Variants in CSMD3 observed in about 807,000 individuals in gnomAD.
CSMD3 encodes the protein CUB and Sushi multiple domains 3, also known as CUB and sushi domain-containing protein 3.
Under a neutral mutation model 435.2 loss-of-function variants are expected in CSMD3, and 177 were observed. The ratio of observed to expected loss-of-function variants is 0.41; its 90% CI spans 0.36 to 0.46. The LOEUF (loss-of-function observed/expected upper bound fraction) is 0.46, where lower values mean the gene tolerates loss of function less well. Among genes scored for constraint, CSMD3 ranks in the 20% least tolerant of loss-of-function variants. The probability of loss-of-function intolerance (pLI) is 0.34; values close to 1 mark genes in which losing one functional copy is unlikely to be tolerated. For missense variants in CSMD3, 4,265 were observed against 4,504.6 expected (o/e 0.95, Z 1.52); for synonymous variants, 1,656 against 1,520.5 (o/e 1.09, Z -2.07).
At chr8:112,750,457 C>T (rs2077542205) in intron 13 of CSMD3, among the ~76,000 whole-genome samples, 1 of 151,778 alleles carries the variant, frequency 6.6e-6, no homozygotes. Context: ...AAATAAGAAA[C>T]ATAACAACTT....
chr8:112,356,559 G>T (rs116480298), intron 38 of CSMD3, among the ~76,000 whole-genome samples: 2,257 of 151,678 alleles, frequency 0.015, 56 homozygotes, highest in African/African-American at 0.052. Context: ...GTACTGATTC[G>T]GTTTGGCTGT....
intron 6 of CSMD3, among the ~76,000 whole-genome samples, chr8:112,977,527 T>C (rs73702269): frequency 6.6e-6 from 1 of 152,180 alleles, no homozygotes; most frequent in African/African-American, 2.4e-5. Context: ...TTCTGCTTTC[T>C]GCCTTAAATT....
intron 13 of CSMD3, among the ~76,000 whole-genome samples, chr8:112,780,614 A>G (rs1229728397): frequency 6.6e-6 from 1 of 152,102 alleles, no homozygotes; most frequent in Admixed American, 6.6e-5. Context: ...CACCTCCCAC[A>G]TCGTCCAGCA....
intron 1 of CSMD3, among the ~76,000 whole-genome samples, chr8:113,336,359 G>A (rs769515883): frequency 7.3e-5 from 11 of 150,696 alleles, no homozygotes; most frequent in Admixed American, 2.0e-4. Context: ...GCTGTTTGTC[G>A]AGGCATTTTT....
intron 13 of CSMD3, among the ~76,000 whole-genome samples, chr8:112,742,930 G>A (rs910842452): frequency 5.3e-5 from 8 of 151,952 alleles, no homozygotes; most frequent in South Asian, 2.1e-4. Flanking sequence ...TCTCAGAAAG[G>A]CCTCATTTTT....
chr8:112,867,408 T>C (rs1231061063), intron 10 of CSMD3, among the ~76,000 whole-genome samples: 7 of 152,140 alleles, frequency 4.6e-5, no homozygotes, highest in African/African-American at 1.7e-4. Flanking sequence ...GATTTCAAAC[T>C]TCGTTCATGC....
intron 4 of CSMD3, among the ~76,000 whole-genome samples, chr8:113,108,202 G>C (rs957722939): frequency 6.6e-6 from 1 of 152,030 alleles, no homozygotes; most frequent in East Asian, 1.9e-4. Flanking sequence ...GGCCAAGGCA[G>C]GTGGATCACG....
At chr8:112,671,211 T>A (rs890893710) in intron 16 of CSMD3, among the ~76,000 whole-genome samples, 1 of 152,108 alleles carries the variant, frequency 6.6e-6, no homozygotes, top group Non-Finnish European at 1.5e-5. Context: ...CCTTCCCACC[T>A]CCCTTTCCTA....
chr8:112,702,957 C>T (rs774972381), intron 13 of CSMD3, among the ~76,000 whole-genome samples: 1 of 152,082 alleles, frequency 6.6e-6, no homozygotes, highest in Non-Finnish European at 1.5e-5. Context: ...CCCACACACC[C>T]AGTATGAATG....
At chr8:112,839,736 C>A (rs1402223196) in intron 11 of CSMD3, among the ~76,000 whole-genome samples, 1 of 151,212 alleles carries the variant, frequency 6.6e-6, no homozygotes, top group Non-Finnish European at 1.5e-5. Flanking sequence ...ATTTATTTAT[C>A]TATATCTATT....
chr8:113,214,260 A>C (rs1024969411), intron 3 of CSMD3, among the ~76,000 whole-genome samples: 2 of 151,690 alleles, frequency 1.3e-5, no homozygotes, highest in African/African-American at 4.8e-5. Context: ...ATTTGTGCAG[A>C]TTTATGAGGT....
intron 22 of CSMD3, among the ~76,000 whole-genome samples, chr8:112,594,467 G>C (rs1831499346): frequency 6.6e-6 from 1 of 152,220 alleles, no homozygotes; most frequent in African/African-American, 2.4e-5. Context: ...GCCCAGGCTT[G>C]CTTAGGTAAA....
At chr8:113,258,751 A>G (rs1266807403) in intron 3 of CSMD3, among the ~76,000 whole-genome samples, 1 of 152,130 alleles carries the variant, frequency 6.6e-6, no homozygotes, top group African/African-American at 2.4e-5. Context: ...AGAGATGACT[A>G]TTAGAGAAAA....
At chr8:113,157,414 A>C in intron 4 of CSMD3, among the ~76,000 whole-genome samples, 1 of 133,504 alleles carries the variant, frequency 7.5e-6, no homozygotes, top group Non-Finnish European at 1.8e-5. Context: ...GCTGTCAAGT[A>C]GAGCAAAATC....
At chr8:113,128,783 CT>C (rs1386625968) in intron 4 of CSMD3, among the ~76,000 whole-genome samples, 71 of 152,136 alleles carry the variant, frequency 4.7e-4, no homozygotes, top group African/African-American at 1.5e-3. Context: ...TGTCTGTTTT[CT>C]TACTTTCAAA....
At chr8:112,892,036 A>G (rs959588050) in intron 10 of CSMD3, among the ~76,000 whole-genome samples, 5 of 151,626 alleles carry the variant, frequency 3.3e-5, no homozygotes, top group South Asian at 4.1e-4. Context: ...TTAAATATGA[A>G]TGAATACTAT....
chr8:112,430,524 G>A (rs1813546349), intron 32 of CSMD3, among the ~76,000 whole-genome samples: 6 of 151,788 alleles, frequency 4.0e-5, no homozygotes, highest in Admixed American at 3.9e-4. Context: ...CTGGGATCAG[G>A]AAGAAACTGC....
At position 112,641,166 on chromosome 8, in the gene CSMD3, G is replaced by A. The variant is rs2131597679; in HGVS notation, c.3311-2255C>T. On this transcript the variant is annotated intron_variant, in intron 20 of 70. Transcript: ENST00000297405. ...TATTGATCAATTTCCCAAAATGAGA[G>A]CTAATGTTTTTCCTGTTATTTAGCC... is the stretch of plus-strand genomic sequence containing the variant. Among the ~76,000 whole-genome samples the A allele has an allele frequency of 1.3e-5, 2 of 152,206 alleles. 1 individual carries two copies. Among genetic ancestry groups the A allele is most frequent in the Middle Eastern group, 6.8e-3 (2 of 294 alleles).
At chr8:112,988,151 G>A (rs1216292801) in intron 6 of CSMD3, among the ~76,000 whole-genome samples, 1 of 151,906 alleles carries the variant, frequency 6.6e-6, no homozygotes, top group Non-Finnish European at 1.5e-5. Flanking sequence ...CGCTACAAAG[G>A]CCTATTGGAT....
Sources: allele counts gnomAD v4.1 joint callset (sites outside exome capture counted in the v4.1 genomes callset), GRCh38; gene constraint gnomAD v4.1.1; transcripts MANE v1.5; gene names NCBI Gene and HGNC (gene_info 2026-07-23, HGNC 2026-07-21).